RANBP2: variants seen among roughly 807,000 people sequenced by gnomAD.
RANBP2 encodes E3 SUMO-protein ligase RanBP2.
RANBP2 carries 57 observed loss-of-function variants against 303.6 expected under a neutral mutation model. That is an observed-to-expected ratio of 0.19 (90% CI 0.15 to 0.23). The LOEUF is 0.23. Ranked by LOEUF, RANBP2 falls within the 10% of genes least tolerant of loss-of-function variation. The pLI is 1.00. For synonymous variants in RANBP2, 1,167 were observed against 1,301.5 expected (o/e 0.90, Z 2.23); for missense variants, 3,138 against 3,780.8 (o/e 0.83, Z 4.46).
At chr2:109,555,712 C>T in the RANBP2 span, among the ~76,000 whole-genome samples, 1 of 152,200 alleles carries the variant, frequency 6.6e-6, no homozygotes, top group Admixed American at 6.5e-5. Flanking sequence ...AATTACGCAG[C>T]TGACCAATCG....
the RANBP2 span, among the ~76,000 whole-genome samples, chr2:109,095,780 AT>A: frequency 6.6e-6 from 1 of 152,234 alleles, no homozygotes; most frequent in African/African-American, 2.4e-5. Flanking sequence ...AACTGTATAG[AT>A]TTATAAAATT....
At chr2:108,746,145 C>T (rs913899190) in intron 7 of RANBP2, among the ~76,000 whole-genome samples, 45 of 150,652 alleles carry the variant, frequency 3.0e-4, no homozygotes, top group African/African-American at 8.8e-4. Context: ...TGGGCTCAAG[C>T]GATCCCCCCA....
the RANBP2 span, among the ~76,000 whole-genome samples, chr2:108,979,175 G>A: frequency 2.0e-5 from 3 of 152,196 alleles, no homozygotes; most frequent in Admixed American, 6.5e-5. Context: ...CACTGCCCGA[G>A]TACTTGACCC....
At chr2:109,598,853 C>T in the RANBP2 span, among the ~76,000 whole-genome samples, 1 of 151,488 alleles carries the variant, frequency 6.6e-6, no homozygotes, top group Non-Finnish European at 1.5e-5. Flanking sequence ...GCACTCCAGC[C>T]TGGGTGACAG....
the RANBP2 span, among the ~76,000 whole-genome samples, chr2:109,760,696 C>T: frequency 1.4e-5 from 2 of 145,832 alleles, no homozygotes; most frequent in Admixed American, 7.0e-5. Context: ...GTAGCGGCGG[C>T]GGCGACGCTG....
the RANBP2 span, among the ~76,000 whole-genome samples, chr2:109,652,228 T>G: frequency 1.1e-4 from 12 of 107,396 alleles, no homozygotes; most frequent in Admixed American, 5.8e-4. Flanking sequence ...TTTTTGTTTG[T>G]TTTTTTTTTT....
intron 23 of RANBP2, among the ~76,000 whole-genome samples, chr2:108,774,832 A>C (rs1677763688): frequency 6.6e-6 from 1 of 151,506 alleles, no homozygotes; most frequent in Admixed American, 6.6e-5. Flanking sequence ...CAGCCACCCG[A>C]GTATCTGCGA....
the RANBP2 span, among the ~76,000 whole-genome samples, chr2:109,413,455 G>A: frequency 7.9e-5 from 12 of 152,286 alleles, no homozygotes; most frequent in East Asian, 1.7e-3. Context: ...GGAAACTGCC[G>A]GGGCTACAGG....
chr2:108,776,929 G>A (rs1677930467), intron 24 of RANBP2, among the ~76,000 whole-genome samples: 1 of 152,086 alleles, frequency 6.6e-6, no homozygotes, highest in African/African-American at 2.4e-5. Flanking sequence ...TAGTATTGTA[G>A]TATTCTTTGT....
At chr2:109,375,491 G>A in the RANBP2 span, among the ~76,000 whole-genome samples, 23 of 152,218 alleles carry the variant, frequency 1.5e-4, no homozygotes, top group African/African-American at 5.3e-4. Flanking sequence ...CTAGTCTAGC[G>A]GATGGGACAA....
chr2:109,472,433 G>GCGGGGCTTCCCGA, the RANBP2 span, among the ~76,000 whole-genome samples: 5 of 152,306 alleles, frequency 3.3e-5, no homozygotes, highest in East Asian at 3.9e-4. Context: ...TGCAGAGCTT[G>GCGGGGCTTCCCGA]CGGGGCTTCC....
the RANBP2 span, among the ~76,000 whole-genome samples, chr2:109,458,495 C>A: frequency 6.6e-6 from 1 of 150,986 alleles, no homozygotes; most frequent in South Asian, 2.1e-4. Flanking sequence ...TCTTTTTGTA[C>A]TCATGGGAAT....
At chr2:108,879,938 C>G in the RANBP2 span, among the ~76,000 whole-genome samples, 1 of 152,054 alleles carries the variant, frequency 6.6e-6, no homozygotes, top group Admixed American at 6.6e-5. Flanking sequence ...TTATTTTCAG[C>G]AGGGTGGTGG....
chr2:109,218,735 A>G, the RANBP2 span, among the ~76,000 whole-genome samples: 2 of 152,140 alleles, frequency 1.3e-5, no homozygotes, highest in Admixed American at 6.5e-5. Context: ...TTTGTTCTCT[A>G]AGTGAAAACA....
intron 25 of RANBP2, among the ~76,000 whole-genome samples, chr2:108,779,484 AT>A (rs796178357): frequency 1.1e-3 from 161 of 151,258 alleles, no homozygotes; most frequent in African/African-American, 3.6e-3. Flanking sequence ...CTTTAAAAAC[AT>A]TTTTTTTTCC....
At chr2:109,586,507 G>C in the RANBP2 span, among the ~76,000 whole-genome samples, 1 of 152,166 alleles carries the variant, frequency 6.6e-6, no homozygotes, top group African/African-American at 2.4e-5. Context: ...TGGAGATTGG[G>C]GCAGGCAGAT....
At chr2:108,835,336 T>C in the RANBP2 span, among the ~76,000 whole-genome samples, 1 of 152,172 alleles carries the variant, frequency 6.6e-6, no homozygotes, top group Non-Finnish European at 1.5e-5. Flanking sequence ...CAGAAAATAT[T>C]CATCTCAGCC....
At chr2:109,638,662 G>T in the RANBP2 span, among the ~76,000 whole-genome samples, 2 of 152,158 alleles carry the variant, frequency 1.3e-5, no homozygotes, top group Non-Finnish European at 2.9e-5. Flanking sequence ...GAGTAGGTTT[G>T]CACAGTAGTA....
the RANBP2 span, chr2:109,565,831 C>A: frequency 6.2e-7 from 1 of 1,613,932 alleles, no homozygotes; most frequent in South Asian, 1.1e-5. Flanking sequence ...CTCATCCATA[C>A]TTCCCACAAC....
Sources: gnomAD v4.1 joint callset for allele counts (sites outside exome capture counted in the v4.1 genomes callset) on GRCh38, gnomAD v4.1.1 for gene constraint, MANE v1.5 for transcripts, NCBI Gene and HGNC (gene_info 2026-07-23, HGNC 2026-07-21) for gene names.